The following EMSY variants were observed in gnomAD, a reference collection of about 807,000 sequenced individuals.
EMSY encodes EMSY transcriptional repressor, BRCA2 interacting.
EMSY carries 26 observed loss-of-function variants against 134.6 expected under a neutral mutation model. The observed-to-expected ratio is 0.19, with a 90% CI of 0.14 to 0.27. The LOEUF (loss-of-function observed/expected upper bound fraction) is 0.27, where lower values mean the gene tolerates loss of function less well. Among genes scored for constraint, EMSY ranks in the 10% least tolerant of loss-of-function variants. The probability of loss-of-function intolerance (pLI) is 1.00; values close to 1 mark genes in which losing one functional copy is unlikely to be tolerated. For synonymous variants in EMSY, 579 were observed against 577.8 expected (o/e 1.00, Z -0.03); for missense variants, 1,305 against 1,611.4 (o/e 0.81, Z 3.26).
At chr11:76,505,206 G>A (rs1014788400) in intron 9 of EMSY, among the ~76,000 whole-genome samples, 18 of 152,114 alleles carry the variant, frequency 1.2e-4, no homozygotes, top group African/African-American at 3.9e-4. Flanking sequence ...AAATTCGGCC[G>A]GGAGCGGTGG....
chr11:76,534,518 G>A (rs2508755), intron 14 of EMSY, among the ~76,000 whole-genome samples: 67,271 of 151,912 alleles, frequency 0.44, 15,178 homozygotes, highest in South Asian at 0.57. Flanking sequence ...GGTCTATTGT[G>A]TATTGATTTT....
At chr11:76,466,938 A>G (rs1221420109) in intron 7 of EMSY, among the ~76,000 whole-genome samples, 1 of 152,242 alleles carries the variant, frequency 6.6e-6, no homozygotes, top group Non-Finnish European at 1.5e-5. Context: ...TAAGGTATGT[A>G]TTCAACAATT....
intron 11 of EMSY, among the ~76,000 whole-genome samples, chr11:76,520,896 A>G (rs977471878): frequency 1.3e-5 from 2 of 152,206 alleles, no homozygotes; most frequent in African/African-American, 2.4e-5. Context: ...TGTTTTTACT[A>G]AGTAATAATT....
At chr11:76,545,508 T>G (rs989403133) in intron 19 of EMSY, among the ~76,000 whole-genome samples, 1 of 152,210 alleles carries the variant, frequency 6.6e-6, no homozygotes, top group Non-Finnish European at 1.5e-5. Flanking sequence ...GTGTACTGTT[T>G]AGGGCTGTAA....
intron 14 of EMSY, among the ~76,000 whole-genome samples, chr11:76,528,702 T>G (rs1252797121): frequency 6.6e-6 from 1 of 152,048 alleles, no homozygotes. Context: ...TAACTTTAGA[T>G]GATGAATCTG....
chr11:76,529,760 A>C (rs1309887186), intron 14 of EMSY, among the ~76,000 whole-genome samples: 1 of 152,196 alleles, frequency 6.6e-6, no homozygotes, highest in Non-Finnish European at 1.5e-5. Context: ...TATGTCCCTC[A>C]TTATAGAGAG....
In EMSY at chr11:76,542,392, A is replaced by G. The variant is rs557201377; in HGVS notation, c.2709+25A>G. On this transcript the variant is annotated intron_variant, in intron 18 of 20. Transcript: ENST00000334736. ...GGTTGTATCTCTTCTTTTTCTTCCT[A>G]TCTTCTGCAACTGCCCATGCTTGAA... The G allele has an allele frequency of 1.1e-5, 17 of 1,606,020 alleles. No homozygotes were observed. In the South Asian group the frequency reaches 1.3e-4, roughly 12 times the overall value.
At chr11:76,460,039 C>T in exon 6 of EMSY, 1 of 1,614,186 alleles carries the variant, frequency 6.2e-7, no homozygotes, top group Non-Finnish European at 8.5e-7. Context: ...CCAGTCCTGC[C>T]TCCAATGTAG....
intron 17 of EMSY, 36 bp from the exon 19 acceptor site, chr11:76,542,180 T>A: frequency 4.3e-6 from 7 of 1,612,434 alleles, no homozygotes; most frequent in Non-Finnish European, 5.9e-6. Flanking sequence ...GCTGTGGTGA[T>A]TTCTGGAGAA....
intron 9 of EMSY, among the ~76,000 whole-genome samples, chr11:76,512,624 C>CTTTTTTTT: frequency 7.0e-6 from 1 of 143,326 alleles, no homozygotes; most frequent in African/African-American, 2.6e-5. Context: ...GCAAGCTACA[C>CTTTTTTTT]TTTTTTTTTT....
chr11:76,508,063 G>A (rs958837422), intron 9 of EMSY, among the ~76,000 whole-genome samples: 1 of 151,692 alleles, frequency 6.6e-6, no homozygotes, highest in African/African-American at 2.4e-5. Context: ...TAGAGACAGG[G>A]TCTCACCATG....
chr11:76,509,706 G>A (rs926507556), intron 9 of EMSY, among the ~76,000 whole-genome samples: 1 of 152,164 alleles, frequency 6.6e-6, no homozygotes, highest in Non-Finnish European at 1.5e-5. Context: ...TGTTTTACAA[G>A]TGTGTAAAGA....
At chr11:76,513,681 T>C (rs548192225) in intron 10 of EMSY, 146 bp downstream of exon 11, 1 of 740,672 alleles carries the variant, frequency 1.4e-6, no homozygotes, top group African/African-American at 1.8e-5. Context: ...ACACCCCTAC[T>C]GACTGCCCTG....
chr11:76,518,371 TTA>T (rs1439533435), intron 11 of EMSY, among the ~76,000 whole-genome samples: 2 of 151,644 alleles, frequency 1.3e-5, no homozygotes, highest in African/African-American at 4.8e-5. Flanking sequence ...TTTTGCCATG[TTA>T]CCCAGGCTGG....
At chr11:76,531,688 A>G (rs1480288439) in intron 14 of EMSY, among the ~76,000 whole-genome samples, 2 of 152,216 alleles carry the variant, frequency 1.3e-5, no homozygotes, top group Non-Finnish European at 2.9e-5. Context: ...GGTACATGAT[A>G]TAAATATCAT....
intron 12 of EMSY, among the ~76,000 whole-genome samples, chr11:76,523,900 C>T (rs994434806): frequency 6.6e-6 from 1 of 151,426 alleles, no homozygotes; most frequent in Non-Finnish European, 1.5e-5. Flanking sequence ...TATTTTAAAA[C>T]TTAACCAGAT....
chr11:76,500,076 C>CAA (rs66518169), intron 9 of EMSY, among the ~76,000 whole-genome samples: 3 of 124,274 alleles, frequency 2.4e-5, no homozygotes, highest in African/African-American at 6.3e-5. Flanking sequence ...GAGCCTATCT[C>CAA]AAAAAAAAAA....
At chr11:76,541,115 A>C (rs1014923197) in intron 17 of EMSY, among the ~76,000 whole-genome samples, 5 of 152,228 alleles carry the variant, frequency 3.3e-5, no homozygotes, top group African/African-American at 1.2e-4. Context: ...AATCCCAGCT[A>C]TTCAGGAGGC....
intron 8 of EMSY, among the ~76,000 whole-genome samples, chr11:76,477,878 T>G (rs935833242): frequency 6.6e-6 from 1 of 152,224 alleles, no homozygotes; most frequent in Non-Finnish European, 1.5e-5. Context: ...GTTTTTTTTC[T>G]TTTACTTTGG....
Sources: gnomAD v4.1 joint callset for allele counts (sites outside exome capture counted in the v4.1 genomes callset) on GRCh38, gnomAD v4.1.1 for gene constraint, MANE v1.5 for transcripts, NCBI Gene and HGNC (gene_info 2026-07-23, HGNC 2026-07-21) for gene names.